R3HDM1: variants seen among roughly 807,000 people sequenced by gnomAD.
R3HDM1 encodes the protein R3H domain containing 1, also known as R3H domain-containing protein 1.
R3HDM1 carries 46 observed loss-of-function variants against 141.1 expected under a neutral mutation model. That is an observed-to-expected ratio of 0.33 (90% CI 0.26 to 0.42). R3HDM1 has a LOEUF of 0.42. Ranked by LOEUF, R3HDM1 falls within the 10% of genes least tolerant of loss-of-function variation. R3HDM1 has a pLI of 1.00. For missense variants in R3HDM1, 1,184 were observed against 1,368.3 expected, an observed-to-expected ratio of 0.87 and a Z score of 2.12; for synonymous variants, 435 against 472.9, an observed-to-expected ratio of 0.92 and a Z score of 1.04.
intron 1 of R3HDM1, among the ~76,000 whole-genome samples, chr2:135,576,422 A>G (rs1176468269): frequency 6.6e-6 from 1 of 152,000 alleles, no homozygotes; most frequent in Admixed American, 6.6e-5. Flanking sequence ...TGGCTTTTTA[A>G]TAAATGGTAC....
At chr2:135,546,789 A>C (rs1698783566) in intron 1 of R3HDM1, among the ~76,000 whole-genome samples, 1 of 152,158 alleles carries the variant, frequency 6.6e-6, no homozygotes, top group Non-Finnish European at 1.5e-5. Context: ...CTCCTGCCTC[A>C]GCCTCCTGAG....
intron 1 of R3HDM1, chr2:135,536,699 G>C: frequency 1.0e-6 from 1 of 979,918 alleles, no homozygotes; most frequent in Non-Finnish European, 1.2e-6. Context: ...ACTTTTGTGG[G>C]TTAGTTGTAC....
chr2:135,604,819 T>C lies in R3HDM1; in HGVS notation c.-27T>C. ...TTTTTTCTTAAGGCTTCAAGCTCCCTGTAGAATTCGAAAATAACCTTTTCT... is the reference window on the plus strand; with the variant it reads ...TTTTTTCTTAAGGCTTCAAGCTCCCCGTAGAATTCGAAAATAACCTTTTCT... On this transcript the variant is annotated 5_prime_UTR_variant, in exon 3 of 27. Transcript: ENST00000683871. 2 of 1,607,474 alleles carry C rather than the reference T, an allele frequency of 1.2e-6. No homozygotes were observed. Among genetic ancestry groups the C allele is most frequent in the Non-Finnish European group, 1.7e-6 (2 of 1,175,986 alleles).
chr2:135,573,405 A>G (rs555743838), intron 1 of R3HDM1, among the ~76,000 whole-genome samples: 2 of 152,316 alleles, frequency 1.3e-5, no homozygotes, highest in African/African-American at 4.8e-5. Flanking sequence ...ACTCCCATTC[A>G]GCTCCTGCCT....
intron 1 of R3HDM1, chr2:135,581,085 A>G (rs899312398): frequency 1.1e-5 from 7 of 638,358 alleles, no homozygotes; most frequent in Middle Eastern, 7.8e-4. Context: ...TAGACCATCT[A>G]TGGTATGAAG....
rs202222147 is a variant in R3HDM1 at position 135,589,793 on chromosome 2, G to GA, written c.-249-12706dup. On this transcript the variant is annotated intron_variant, in intron 1 of 26. Coordinates refer to ENST00000683871, the MANE Select transcript of R3HDM1 (RefSeq NM_001378107.1). ...TATATGTATGTTATAAAGTGACTTG[G>GA]ATAATATATCTGTCACATTATATAA... is the stretch of plus-strand genomic sequence containing the variant. Among the ~76,000 whole-genome samples the GA allele has an allele frequency of 4.5e-4, 68 of 151,704 alleles. 1 individual carries two copies. In the East Asian group the frequency reaches 0.013, roughly 29 times the overall value.
chr2:135,546,901 A>G (rs1380949415), intron 1 of R3HDM1, among the ~76,000 whole-genome samples: 1 of 152,156 alleles, frequency 6.6e-6, no homozygotes, highest in Non-Finnish European at 1.5e-5. Context: ...CGAACTCCTG[A>G]CATCAAGTGA....
chr2:135,699,448 T>C (rs2073925400), intron 21 of R3HDM1, among the ~76,000 whole-genome samples: 1 of 152,110 alleles, frequency 6.6e-6, no homozygotes, highest in Non-Finnish European at 1.5e-5. Context: ...ACCACAAAAA[T>C]GGAAGCGGGT....
chr2:135,586,914 T>C, intron 1 of R3HDM1: 1 of 985,018 alleles, frequency 1.0e-6, no homozygotes, highest in Non-Finnish European at 1.2e-6. Flanking sequence ...TTAAAAATTT[T>C]ATTGTGGAAC....
At chr2:135,531,853 G>A (rs1021930880) in intron 1 of R3HDM1, 3 of 985,284 alleles carry the variant, frequency 3.0e-6, no homozygotes, top group Non-Finnish European at 3.6e-6. Flanking sequence ...GGTTCCGAGT[G>A]AGCCAGGCTC....
At chr2:135,534,023 C>T in intron 1 of R3HDM1, 1 of 985,150 alleles carries the variant, frequency 1.0e-6, no homozygotes, top group Non-Finnish European at 1.2e-6. Context: ...GTTGTTGCAG[C>T]CTTAGAACAC....
In R3HDM1 at chr2:135,669,122, A is replaced by C. The variant is rs527834726; in HGVS notation, c.2153-6210A>C. 4.9e-3 allele frequency: 4,789 copies of C among 982,410 alleles called. 29 individuals carry two copies. The highest frequency in any genetic ancestry group is 0.037 in the South Asian group (785 of 21,192). 60.9% of individuals were successfully genotyped at this position (982,410 alleles called of 1,614,324 possible). A position where few individuals can be genotyped will look rare whatever the true frequency, so the allele number is the denominator to read the frequency against. Reference sequence around the variant, plus strand: ...CAGTGGCCCTTCCTAATTGTTTAATACAATTTATGCGTATAATCTAATTAT... The same window carrying C: ...CAGTGGCCCTTCCTAATTGTTTAATCCAATTTATGCGTATAATCTAATTAT... On this transcript the variant is annotated intron_variant, in intron 19 of 26. Coordinates refer to ENST00000683871, the MANE Select transcript of R3HDM1 (RefSeq NM_001378107.1).
chr2:135,625,594 G>A (rs1478845382), intron 7 of R3HDM1, among the ~76,000 whole-genome samples: 2 of 152,110 alleles, frequency 1.3e-5, no homozygotes, highest in Admixed American at 1.3e-4. Flanking sequence ...CTATCTTTTT[G>A]TATGCTAATG....
intron 19 of R3HDM1, chr2:135,667,908 C>A (rs1574872680): frequency 2.7e-6 from 1 of 367,050 alleles, no homozygotes; most frequent in Non-Finnish European, 3.8e-6. Flanking sequence ...CACTCTGTAA[C>A]GGTTCATGCC....
chr2:135,675,426 C>T lies in R3HDM1; in HGVS notation c.2247C>T (p.Asn749=), dbSNP rs2069008145. Residue 749 remains asparagine (N), a synonymous_variant, in exon 20 of 27, where the codon AAC becomes AAT. Coordinates refer to ENST00000683871, the MANE Select transcript of R3HDM1 (RefSeq NM_001378107.1). The part of the protein sequence containing the change: ...QSQSLVSGQP[N]SIGNQIQGVV... ...AGAGCCTAGTCAGTGGCCAACCCAA[C>T]AGCATTGGAAATCAGATTCAAGGAG... 2 of 1,613,966 alleles carry T rather than the reference C, an allele frequency of 1.2e-6. No homozygotes were observed. Among genetic ancestry groups the T allele is most frequent in the East Asian group, 4.5e-5 (2 of 44,860 alleles).
chr2:135,629,669 G>A (rs1292166715), intron 7 of R3HDM1, among the ~76,000 whole-genome samples: 1 of 152,176 alleles, frequency 6.6e-6, no homozygotes, highest in East Asian at 1.9e-4. Context: ...AAAGACAGGA[G>A]CTTGGCAAAT....
chr2:135,586,438 G>C (rs1174038087), intron 1 of R3HDM1: 2 of 153,340 alleles, frequency 1.3e-5, no homozygotes, highest in African/African-American at 4.8e-5. Context: ...CAGAGCATCA[G>C]TTTACAGGTA....
chr2:135,692,707 C>T (rs1227317335), intron 21 of R3HDM1, among the ~76,000 whole-genome samples: 1 of 152,004 alleles, frequency 6.6e-6, no homozygotes, highest in Non-Finnish European at 1.5e-5. Context: ...AAAAATTAGT[C>T]CAGTAGCGGT....
chr2:135,645,129 T>A (rs2064251778), intron 15 of R3HDM1: 1 of 282,464 alleles, frequency 3.5e-6, no homozygotes, highest in Non-Finnish European at 6.3e-6. Flanking sequence ...ACTAGCGGTC[T>A]GGGCCAGTAC....
Sources: gnomAD v4.1 joint callset for allele counts (sites outside exome capture counted in the v4.1 genomes callset) on GRCh38, gnomAD v4.1.1 for gene constraint, MANE v1.5 for transcripts, NCBI Gene and HGNC (gene_info 2026-07-23, HGNC 2026-07-21) for gene names.